The following TUBGCP2 variants were observed in gnomAD, a reference collection of about 807,000 sequenced individuals.
The protein encoded by TUBGCP2 is gamma-tubulin complex component 2.
In TUBGCP2, 55 loss-of-function variants were observed where a neutral mutation model predicts 92.2. The observed-to-expected ratio is 0.60, with a 90% CI of 0.48 to 0.75. The LOEUF (loss-of-function observed/expected upper bound fraction) is 0.75. Ranked by LOEUF, TUBGCP2 falls within the 30% of genes least tolerant of loss-of-function variation. TUBGCP2 has a pLI of 0.00. For missense variants in TUBGCP2, 1,093 were observed against 1,188.9 expected, an observed-to-expected ratio of 0.92 and a Z score of 1.19; for synonymous variants, 533 against 505.2, an observed-to-expected ratio of 1.06 and a Z score of -0.74.
chr10:133,309,147 C>T (rs756656647), upstream of TUBGCP2: 7 of 1,382,744 alleles, frequency 5.1e-6, no homozygotes, highest in Non-Finnish European at 6.6e-6. Context: ...GTGGGGCCTA[C>T]GGCGGCGAGG....
At position 133,295,542 on chromosome 10, in the gene TUBGCP2, G is replaced by A. The variant is rs41283325; in HGVS notation, c.617-1773C>T. On this transcript the variant is annotated intron_variant, in intron 5 of 17. Coordinates refer to ENST00000252936, the MANE Select transcript of TUBGCP2 (RefSeq NM_006659.4). ...ATGTCACCTGCAAATCACCACGTCC[G>A]AACGACCACCGAACACGTGGCTCCT... The A allele has an allele frequency of 5.2e-3, 786 of 152,430 alleles. 7 individuals carry two copies. Among genetic ancestry groups the A allele is most frequent in the Non-Finnish European group, 6.8e-3 (461 of 68,068 alleles). 9.4% of individuals were successfully genotyped at this position (152,430 alleles called of 1,614,324 possible). A position where few individuals can be genotyped will look rare whatever the true frequency, so the allele number is the denominator to read the frequency against.
chr10:133,289,662 G>A (rs1335229590), intron 9 of TUBGCP2, among the ~76,000 whole-genome samples, 162 bp downstream of exon 9: 2 of 152,166 alleles, frequency 1.3e-5, no homozygotes, highest in Admixed American at 1.3e-4. Context: ...CCGCAGCCCA[G>A]CCCACGGGCC....
At chr10:133,305,783 TG>T (rs138640139) in intron 1 of TUBGCP2, among the ~76,000 whole-genome samples, 3 of 152,250 alleles carry the variant, frequency 2.0e-5, no homozygotes, top group South Asian at 4.1e-4. Context: ...TAAGAAGGCA[TG>T]GTGCTGAGTT....
intron 14 of TUBGCP2, 107 bp downstream of exon 14, chr10:133,283,775 T>TC: frequency 6.5e-7 from 1 of 1,527,826 alleles, no homozygotes; most frequent in Non-Finnish European, 8.9e-7. Context: ...TCCCTGCCTC[T>TC]CCTGCACTCC....
upstream of TUBGCP2, among the ~76,000 whole-genome samples, chr10:133,310,920 G>C (rs1331108939): frequency 6.6e-6 from 1 of 151,936 alleles, no homozygotes; most frequent in Non-Finnish European, 1.5e-5. Flanking sequence ...TCCCACTTCA[G>C]CCTCCTAAAG....
rs1239577141 is a variant in TUBGCP2 at position 133,289,857 on chromosome 10, G to A, written c.1327C>T (p.Leu443=). 1 of 1,614,108 alleles carries A rather than the reference G, an allele frequency of 6.2e-7. No individual in the cohort carries two copies. Among genetic ancestry groups the A allele is most frequent in the South Asian group, 1.1e-5 (1 of 91,080 alleles). ...AGGATCTTGTCCGCCATTTTCTGCA[G>A]GAAGGACGGGATCTGCTGCTGGACG... ...TIVQQQIPSF[L]QKMADKILST... Residue 443 remains leucine (L), a synonymous_variant, in exon 9 of 18, where the codon CTG becomes TTG. Transcript: ENST00000252936.
At chr10:133,311,905 C>T (rs777673455), upstream of TUBGCP2, 2 of 1,613,186 alleles carry the variant, frequency 1.2e-6, no homozygotes, top group South Asian at 1.1e-5. Flanking sequence ...GGATTCTGGG[C>T]TGCACCTGGG....
At chr10:133,289,796 C>A in intron 9 of TUBGCP2, 28 bp downstream of exon 9, 2 of 1,613,058 alleles carry the variant, frequency 1.2e-6, no homozygotes, top group Non-Finnish European at 1.7e-6. Context: ...GTGCTGCGCA[C>A]CCCAAGTCCC....
At chr10:133,294,409 G>C (rs1310050111) in intron 5 of TUBGCP2, among the ~76,000 whole-genome samples, 10 of 152,170 alleles carry the variant, frequency 6.6e-5, no homozygotes, top group Admixed American at 6.5e-5. Flanking sequence ...CCCCGTGCCA[G>C]CCAGACCATA....
chr10:133,310,610 C>T (rs2136153140), upstream of TUBGCP2: 1 of 358,210 alleles, frequency 2.8e-6, no homozygotes, highest in Non-Finnish European at 5.3e-6. Context: ...CTGCAGCAGT[C>T]GGCCGTGGTC....
chr10:133,289,675 T>G, intron 9 of TUBGCP2, 149 bp downstream of exon 9: 1 of 1,028,868 alleles, frequency 9.7e-7, no homozygotes, highest in Non-Finnish European at 1.4e-6. Flanking sequence ...CACGGGCCAG[T>G]CCTGACCTCA....
chr10:133,310,372 A>G, upstream of TUBGCP2: 1 of 1,556,866 alleles, frequency 6.4e-7, no homozygotes. Flanking sequence ...AGACGGTCAG[A>G]CTTATTAAGC....
At position 133,299,517 on chromosome 10, in the gene TUBGCP2, G is replaced by A. The variant is rs1012070300; in HGVS notation, c.366C>T (p.Val122=). The change falls in exon 4 of 18, where the codon GTC becomes GTT. Residue 122 remains valine, a synonymous_variant. Coordinates refer to ENST00000252936, the MANE Select transcript of TUBGCP2 (RefSeq NM_006659.4). ...AVGSSTTSIN[V]PAAASKISMQ... The stretch of plus-strand genomic sequence containing the variant: ...TGGAGATCTTGGAGGCCGCGGCAGG[G>A]ACGTTGATGCTGGTGGTACTGCTGC... 1 of 1,613,832 alleles carries A rather than the reference G, an allele frequency of 6.2e-7. No homozygotes were observed. The highest frequency in any genetic ancestry group is 8.5e-7 in the Non-Finnish European group (1 of 1,179,998).
chr10:133,310,604 A>G (rs1050606037), upstream of TUBGCP2: 8 of 375,752 alleles, frequency 2.1e-5, no homozygotes, highest in Admixed American at 4.2e-5. Flanking sequence ...TACCTCCTGC[A>G]GCAGTCGGCC....
upstream of TUBGCP2, chr10:133,308,900 C>G (rs1847904436): frequency 8.3e-7 from 1 of 1,205,840 alleles, no homozygotes; most frequent in Non-Finnish European, 1.0e-6. Flanking sequence ...CGGCTCGGCT[C>G]GCGGACGGTG....
chr10:133,293,982 G>T (rs1026455110), intron 5 of TUBGCP2, among the ~76,000 whole-genome samples: 1 of 152,228 alleles, frequency 6.6e-6, no homozygotes, highest in African/African-American at 2.4e-5. Context: ...AGGCGTGGTG[G>T]CTGGTGTCAA....
At chr10:133,307,950 T>C (rs1358826569) in intron 1 of TUBGCP2, among the ~76,000 whole-genome samples, 1 of 151,982 alleles carries the variant, frequency 6.6e-6, no homozygotes, top group Non-Finnish European at 1.5e-5. Flanking sequence ...TATCTAAACA[T>C]GGAAAAAGTA....
upstream of TUBGCP2, chr10:133,309,988 A>G: frequency 1.2e-6 from 2 of 1,612,310 alleles, no homozygotes; most frequent in Non-Finnish European, 1.7e-6. Context: ...GTGGGTGACA[A>G]CTGCACAGCC....
At chr10:133,296,842 C>T (rs1589832607) in intron 5 of TUBGCP2, among the ~76,000 whole-genome samples, 1 of 152,166 alleles carries the variant, frequency 6.6e-6, no homozygotes, top group Non-Finnish European at 1.5e-5. Context: ...TCATAACTTA[C>T]AGCAGGGTTT....
Sources: gnomAD v4.1 joint callset for allele counts (sites outside exome capture counted in the v4.1 genomes callset) on GRCh38, gnomAD v4.1.1 for gene constraint, MANE v1.5 for transcripts, NCBI Gene and HGNC (gene_info 2026-07-23, HGNC 2026-07-21) for gene names.